The following FLT4 variants were observed in gnomAD, a reference collection of about 807,000 sequenced individuals.
The protein encoded by FLT4 is fms related receptor tyrosine kinase 4.
In FLT4, 30 loss-of-function variants were observed where a neutral mutation model predicts 163.2. The observed-to-expected ratio is 0.18, with a 90% CI of 0.14 to 0.25. FLT4 has a LOEUF of 0.25. Ranked by LOEUF, FLT4 falls within the 10% of genes least tolerant of loss-of-function variation. The pLI, the probability that FLT4 is intolerant of heterozygous loss-of-function variation, is 1.00. For synonymous variants in FLT4, 884 were observed against 789.5 expected (o/e 1.12, Z -2.01); for missense variants, 1,510 against 1,863.8 (o/e 0.81, Z 3.50).
rs2127806921 is a variant in FLT4, at chr5:180,618,867, C to T, written c.2904G>A (p.Arg968=). 6.3e-7 allele frequency: 1 copy of T among 1,585,496 alleles called. No individual in the cohort carries two copies. The highest frequency in any genetic ancestry group is 1.7e-4 in the Middle Eastern group (1 of 6,028). ...TGCTCCCCGGCCGCCTCCGATCCAG[C>T]CTGGCGAGCTCCACCATGGCGCGGA... is the stretch of plus-strand genomic sequence containing the variant. The part of the protein sequence containing the change: ...GRFRAMVELA[R]LDRRRPGSSD... Residue 968 remains arginine (R), a synonymous_variant, in exon 21 of 30, where the codon AGG becomes AGA. Coordinates refer to ENST00000261937, the MANE Select transcript of FLT4 (RefSeq NM_182925.5).
At chr5:180,611,280 T>C (rs1762169132) in intron 27 of FLT4, 51 bp downstream of exon 27, 5 of 1,606,100 alleles carry the variant, frequency 3.1e-6, no homozygotes, top group Non-Finnish European at 3.4e-6. Flanking sequence ...AAATGCACCT[T>C]GTCCACATGG....
chr5:180,630,485 C>G lies in FLT4; in HGVS notation c.400+70G>C. The G allele has an allele frequency of 6.2e-7, 1 of 1,602,802 alleles. No individual in the cohort carries two copies. Among genetic ancestry groups the G allele is most frequent in the Non-Finnish European group, 8.5e-7 (1 of 1,175,082 alleles). On this transcript the variant is annotated intron_variant, in intron 3 of 29. Coordinates refer to ENST00000261937, the MANE Select transcript of FLT4 (RefSeq NM_182925.5). The surrounding 1 kb of genome is among the most constrained non-coding windows in gnomAD (Gnocchi z 6.3). ...TCTCCTCCTGCCAGCCCAGGGTCCA[C>G]AGGCTGGGGGCGGTGTGGGCCCCAG...
chr5:180,611,218 A>G, intron 27 of FLT4, 113 bp downstream of exon 27: 1 of 1,295,490 alleles, frequency 7.7e-7, no homozygotes, highest in Non-Finnish European at 1.1e-6. Flanking sequence ...GTTTGTGCAC[A>G]CTGGCCTCTG....
In FLT4 at chr5:180,620,709, T is replaced by C; in HGVS notation, c.2306A>G (p.Glu769Gly). The C allele has an allele frequency of 6.2e-7, 1 of 1,613,272 alleles. No individual in the cohort carries two copies. Among genetic ancestry groups the C allele is most frequent in the Non-Finnish European group, 8.5e-7 (1 of 1,179,840 alleles). The change falls in exon 16 of 30, where the codon GAG (glutamate) becomes GGG (glycine). Residue 769 changes from glutamate (E) to glycine (G), a missense_variant. Around this residue, in one of 5 missense-constraint regions of FLT4, gnomAD observed 878 missense variants for 1,016.7 expected, o/e 0.86. Transcript: ENST00000261937. This position sits in a 1 kb window ranked among gnomAD's most constrained non-coding sequence, Gnocchi z 4.4. Reference protein sequence around the residue: ...SSASVAVEGSEDKGSMEIVIL... With the variant: ...SSASVAVEGSGDKGSMEIVIL... ...CACGATCTCCATGCTGCCCTTATCC[T>C]CGGAGCCTGCGTGGGCAGAAAGGGG...
At chr5:180,622,931 C>CCT (rs1561722882) in intron 11 of FLT4, 92 bp from the exon 12 acceptor site, 1 of 792,824 alleles carries the variant, frequency 1.3e-6, no homozygotes, top group Non-Finnish European at 2.1e-6. Flanking sequence ...GTGCACCACC[C>CCT]CCCCCAATCA....
intron 1 of FLT4, among the ~76,000 whole-genome samples, chr5:180,641,581 AG>A (rs1347439895): frequency 3.4e-5 from 5 of 147,102 alleles, no homozygotes; most frequent in Non-Finnish European, 7.5e-5. Context: ...GGTTGGGCAG[AG>A]GGGGTCACCT....
intron 1 of FLT4, among the ~76,000 whole-genome samples, chr5:180,632,599 G>GGTGTGT (rs36217296): frequency 1.3e-5 from 2 of 150,604 alleles, no homozygotes; most frequent in African/African-American, 4.9e-5. Flanking sequence ...CCCGTGAGGT[G>GGTGTGT]GTGTGTGTGT....
At chr5:180,642,860 G>C (rs1029574726) in intron 1 of FLT4, among the ~76,000 whole-genome samples, 2 of 152,192 alleles carry the variant, frequency 1.3e-5, no homozygotes, top group Non-Finnish European at 1.5e-5. Context: ...CCTTTCCCAA[G>C]ACCTCCTGCT....
Position 180,601,621 on chromosome 5 carries a change from C to T in FLT4, c.*1571G>A, listed in dbSNP as rs879541932. On this transcript the variant is annotated 3_prime_UTR_variant, in exon 30 of 30. Transcript: ENST00000261937. ...ATAGTAGTTTTTTTCCCGGTACATG[C>T]GTGGGTGGGTAGTGAGGAGAAGGGA... 1.2e-4 allele frequency: 28 copies of T among 233,056 alleles called. No individual in the cohort carries two copies. The highest frequency in any genetic ancestry group is 2.8e-4 in the Admixed American group (5 of 17,764). 14.4% of individuals were successfully genotyped at this position (233,056 alleles called of 1,614,324 possible).
intron 8 of FLT4, among the ~76,000 whole-genome samples, chr5:180,626,574 G>A (rs1490113422): frequency 1.3e-5 from 2 of 152,210 alleles, no homozygotes; most frequent in African/African-American, 4.8e-5. Flanking sequence ...CCATGTCACT[G>A]CTGGGGCAGC....
intron 29 of FLT4, chr5:180,608,039 T>C (rs1369101448): frequency 2.9e-6 from 2 of 696,640 alleles, no homozygotes; most frequent in East Asian, 5.4e-5. Context: ...CAGCTTCTTG[T>C]GGGAGGCTGG....
Position 180,614,036 on chromosome 5 carries a change from C to G in FLT4, c.3331+32G>C, listed in dbSNP as rs752339800. On this transcript the variant is annotated intron_variant, in intron 24 of 29. Transcript: ENST00000261937. Reference sequence around the variant, plus strand: ...AACCTGCCGCCAGTGACCTCGCCTCCTCTCCCCACCGGCACCCCATCCTGC... The same window carrying G: ...AACCTGCCGCCAGTGACCTCGCCTCGTCTCCCCACCGGCACCCCATCCTGC... 1.3e-5 allele frequency: 20 copies of G among 1,482,196 alleles called. No homozygotes were observed. In the Admixed American group the frequency reaches 3.3e-4, roughly 25 times the overall value. The allele number at this position is 1,482,196 out of a possible 1,614,324, so 91.8% of individuals were successfully genotyped here.
At position 180,620,889 on chromosome 5, in the gene FLT4, G is replaced by T. The variant is rs747466181; in HGVS notation, c.2286C>A (p.Ser762Arg). ...CTGAGGCCAGACCTTCCACGGCCAC[G>T]CTGGCGGAGGAGTTGACGCAGCCCT... ...NAKGCVNSSA[S>R]VAVEGSEDKG... The change falls in exon 15 of 30, where the codon AGC (serine) becomes AGA (arginine). Residue 762 changes from serine (S) to arginine (R), a missense_variant. By Grantham distance (110) the Ser-to-Arg change is moderately radical. Transcript: ENST00000261937. The surrounding 1 kb of genome is among the most constrained non-coding windows in gnomAD (Gnocchi z 4.4). The T allele has an allele frequency of 3.1e-6, 5 of 1,609,530 alleles. No homozygotes were observed. In the East Asian group the frequency reaches 1.1e-4, roughly 36 times the overall value.
upstream of FLT4, among the ~76,000 whole-genome samples, chr5:180,650,093 C>T (rs1331927829): frequency 7.1e-6 from 1 of 140,254 alleles, no homozygotes; most frequent in Non-Finnish European, 1.5e-5. Context: ...GGGGCTGAGG[C>T]AGGAGAATCG....
intron 27 of FLT4, 95 bp downstream of exon 27, chr5:180,611,236 A>G: frequency 7.1e-7 from 1 of 1,412,266 alleles, no homozygotes; most frequent in Non-Finnish European, 9.7e-7. Flanking sequence ...CTGACGTCGC[A>G]TGATTTGCTT....
In FLT4 at chr5:180,614,048, G is replaced by A; in HGVS notation, c.3331+20C>T. ...GTGACCTCGCCTCCTCTCCCCACCG[G>A]CACCCCATCCTGCACTCACCCAGAG... is the stretch of plus-strand genomic sequence containing the variant. On this transcript the variant is annotated intron_variant, in intron 24 of 29. Transcript: ENST00000261937. 6.5e-7 allele frequency: 1 copy of A among 1,547,346 alleles called. No homozygotes were observed. Among genetic ancestry groups the A allele is most frequent in the Non-Finnish European group, 8.9e-7 (1 of 1,119,050 alleles).
chr5:180,621,358 G>A (rs1045408332), intron 13 of FLT4, 106 bp from the exon 14 acceptor site: 2 of 1,452,306 alleles, frequency 1.4e-6, no homozygotes, highest in Admixed American at 4.4e-5. Flanking sequence ...GCTGGACTTA[G>A]GGGTTGTGCG....
chr5:180,624,135 G>A, intron 10 of FLT4, 74 bp from the exon 11 acceptor site: 2 of 1,570,770 alleles, frequency 1.3e-6, no homozygotes, highest in Non-Finnish European at 1.7e-6. Context: ...GCGGGGTCAA[G>A]CCCTTGTCAT....
intron 26 of FLT4, chr5:180,611,712 G>A (rs1256420773): frequency 1.8e-5 from 11 of 596,454 alleles, no homozygotes; most frequent in East Asian, 2.8e-5. Context: ...ATGCGGGCAC[G>A]TGAGTGCTCC....
Sources: allele counts gnomAD v4.1 joint callset (sites outside exome capture counted in the v4.1 genomes callset), GRCh38; gene constraint gnomAD v4.1.1; regional missense constraint gnomAD v4.1.1; non-coding constraint Gnocchi (gnomAD v3.1); transcripts MANE v1.5; gene names NCBI Gene and HGNC (gene_info 2026-07-23, HGNC 2026-07-21).